The following PPP1R1C variants were observed in gnomAD, a reference collection of about 807,000 sequenced individuals.
PPP1R1C encodes the protein protein phosphatase 1 regulatory inhibitor subunit 1C.
In PPP1R1C, 15 loss-of-function variants were observed where a neutral mutation model predicts 17.4. The observed-to-expected ratio is 0.86, with a 90% confidence interval of 0.58 to 1.33. PPP1R1C has a LOEUF of 1.33. Ranked by LOEUF, PPP1R1C falls within the 40% of genes most tolerant of loss-of-function variation. PPP1R1C has a pLI of 0.00. For synonymous variants in PPP1R1C, 35 were observed against 43.1 expected (o/e 0.81, Z 0.73); for missense variants, 143 against 130.0 (o/e 1.10, Z -0.48).
chr2:181,995,135 C>A (rs1685577908), intron 2 of PPP1R1C, among the ~76,000 whole-genome samples: 1 of 152,108 alleles, frequency 6.6e-6, no homozygotes, highest in Admixed American at 6.6e-5. Context: ...CTGACATATG[C>A]ATTTTTGTAG....
intron 4 of PPP1R1C, among the ~76,000 whole-genome samples, chr2:182,109,051 T>C (rs901803661): frequency 6.6e-6 from 1 of 152,238 alleles, no homozygotes; most frequent in African/African-American, 2.4e-5. Flanking sequence ...GCCACTCTCA[T>C]AGGTGTGCAG....
chr2:181,972,822 A>G (rs1213023025), intron 1 of PPP1R1C, among the ~76,000 whole-genome samples: 2 of 152,164 alleles, frequency 1.3e-5, no homozygotes, highest in East Asian at 3.8e-4. Flanking sequence ...ATACTTTCTT[A>G]ATTACCTACT....
At chr2:181,998,106 C>T (rs763867515) in intron 2 of PPP1R1C, among the ~76,000 whole-genome samples, 9 of 152,302 alleles carry the variant, frequency 5.9e-5, no homozygotes, top group Non-Finnish European at 1.3e-4. Context: ...TTGTGTAGGA[C>T]TAAGAGCCTA....
rs535341435 is a variant in PPP1R1C at position 181,961,859 on chromosome 2, C to G, written n.111+7225C>G. 4.4e-5 allele frequency: 38 copies of G among 855,954 alleles called. No homozygotes were observed. In the African/African-American group the frequency reaches 5.8e-4, roughly 13 times the overall value. The allele number at this position is 855,954 out of a possible 1,614,324, so 53.0% of individuals were successfully genotyped here. Reference sequence around the variant, plus strand: ...TTCTTCTTCATGAAGAGCAGCTCCTCCTTGAGAGCCTCCATCTCTGTCTCC... The same window carrying G: ...TTCTTCTTCATGAAGAGCAGCTCCTGCTTGAGAGCCTCCATCTCTGTCTCC... On this transcript the variant is annotated intron_variant and non_coding_transcript_variant, in intron 1 of 5. Coordinates refer to the PPP1R1C transcript ENST00000464264. This position sits in a 1 kb window ranked among gnomAD's most constrained non-coding sequence, Gnocchi z 5.8.
intron 2 of PPP1R1C, among the ~76,000 whole-genome samples, chr2:182,004,556 C>T (rs932599227): frequency 6.6e-6 from 1 of 152,218 alleles, no homozygotes; most frequent in African/African-American, 2.4e-5. Flanking sequence ...AGCCCAGAAA[C>T]ATGACAAGGC....
intron 2 of PPP1R1C, among the ~76,000 whole-genome samples, chr2:182,019,187 G>A (rs1423334455): frequency 6.6e-6 from 1 of 152,156 alleles, no homozygotes; most frequent in African/African-American, 2.4e-5. Context: ...TATAGATACA[G>A]CTTGAAGTTA....
At chr2:181,977,417 C>T (rs1685113633) in intron 2 of PPP1R1C, among the ~76,000 whole-genome samples, 1 of 151,928 alleles carries the variant, frequency 6.6e-6, no homozygotes, top group Non-Finnish European at 1.5e-5. Flanking sequence ...GTCCTCTTTT[C>T]CCCCTTAACA....
chr2:182,063,997 G>A, intron 4 of PPP1R1C: 1 of 454,810 alleles, frequency 2.2e-6, no homozygotes, highest in East Asian at 3.3e-5. Flanking sequence ...GAAATAGCTA[G>A]TGATCTCAGA....
chr2:182,059,732 A>G (rs1436160404), intron 2 of PPP1R1C, among the ~76,000 whole-genome samples: 1 of 151,392 alleles, frequency 6.6e-6, no homozygotes, highest in East Asian at 1.9e-4. Context: ...AACAACAACA[A>G]CAACAACAAA....
intron 1 of PPP1R1C, among the ~76,000 whole-genome samples, chr2:181,986,475 G>T (rs1685301326): frequency 6.6e-6 from 1 of 151,946 alleles, no homozygotes; most frequent in African/African-American, 2.4e-5. Flanking sequence ...GTTCATTTTT[G>T]CTCATTAAAA....
chr2:182,076,197 CTTTTTTTTTTTTTTTTTTTTTTTTTTT>C (rs1165789924), intron 4 of PPP1R1C, among the ~76,000 whole-genome samples: 4 of 25,850 alleles, frequency 1.5e-4, no homozygotes, highest in African/African-American at 4.3e-4. Context: ...TTTTTCTTTT[CTTTTTTTTTTTTTTTTTTTTTTTTTTT>C]TTTTTTTTTT....
intron 2 of PPP1R1C, among the ~76,000 whole-genome samples, chr2:182,013,376 G>C (rs1000170776): frequency 5.9e-5 from 9 of 152,030 alleles, no homozygotes; most frequent in Non-Finnish European, 1.2e-4. Context: ...GGCCTGTAAG[G>C]TTTCCATTGA....
At chr2:181,972,503 A>G (rs1410795696) in intron 1 of PPP1R1C, among the ~76,000 whole-genome samples, 1 of 152,160 alleles carries the variant, frequency 6.6e-6, no homozygotes, top group East Asian at 1.9e-4. Context: ...GACAAAAAAA[A>G]AACACAATAC....
intron 1 of PPP1R1C, among the ~76,000 whole-genome samples, chr2:181,968,647 A>T (rs1684949544): frequency 6.6e-6 from 1 of 152,130 alleles, no homozygotes; most frequent in South Asian, 2.1e-4. Flanking sequence ...TGATCCGTTC[A>T]GCCACTCTAT....
At chr2:182,071,996 T>C (rs920259290) in intron 4 of PPP1R1C, among the ~76,000 whole-genome samples, 2 of 152,230 alleles carry the variant, frequency 1.3e-5, no homozygotes, top group African/African-American at 2.4e-5. Context: ...CAAATATAAT[T>C]TGAATTCCTA....
At chr2:182,052,249 A>T (rs1414193589) in intron 2 of PPP1R1C, among the ~76,000 whole-genome samples, 2 of 152,074 alleles carry the variant, frequency 1.3e-5, no homozygotes, top group Non-Finnish European at 2.9e-5. Flanking sequence ...GTTTTAAGGG[A>T]TGGGATAAAA....
intron 4 of PPP1R1C, among the ~76,000 whole-genome samples, chr2:182,088,440 C>T (rs1688691734): frequency 6.6e-6 from 1 of 152,162 alleles, no homozygotes; most frequent in African/African-American, 2.4e-5. Context: ...AAACTAGTAA[C>T]CATTGTTGGA....
intron 1 of PPP1R1C, among the ~76,000 whole-genome samples, chr2:181,969,161 A>G (rs1340537344): frequency 6.6e-6 from 1 of 152,110 alleles, no homozygotes; most frequent in Non-Finnish European, 1.5e-5. Flanking sequence ...CAGTATTATA[A>G]TATTCTGTTT....
At chr2:182,042,694 A>G (rs1362433501) in intron 2 of PPP1R1C, among the ~76,000 whole-genome samples, 1 of 152,218 alleles carries the variant, frequency 6.6e-6, no homozygotes, top group Non-Finnish European at 1.5e-5. Context: ...GTCCTCTGCT[A>G]CAATAGCAGA....
Sources: allele counts gnomAD v4.1 joint callset (sites outside exome capture counted in the v4.1 genomes callset), GRCh38; gene constraint gnomAD v4.1.1; non-coding constraint Gnocchi (gnomAD v3.1); transcripts MANE v1.5; gene names NCBI Gene and HGNC (gene_info 2026-07-23, HGNC 2026-07-21).